Variants in DOCK4 observed in about 807,000 individuals in gnomAD.
DOCK4 encodes dedicator of cytokinesis 4, also known as dedicator of cytokinesis protein 4.
Under a neutral mutation model 268.1 loss-of-function variants are expected in DOCK4, and 97 were observed. That is an observed-to-expected ratio of 0.36 (90% CI 0.31 to 0.43). The LOEUF is 0.43. Ranked by LOEUF, DOCK4 falls within the 20% of genes least tolerant of loss-of-function variation. DOCK4 has a pLI of 1.00. For synonymous variants in DOCK4, 954 were observed against 887.2 expected, an observed-to-expected ratio of 1.08 and a Z score of -1.34; for missense variants, 2,145 against 2,455.7, an observed-to-expected ratio of 0.87 and a Z score of 2.67.
chr7:111,739,400 G>T lies in DOCK4; in HGVS notation c.5118C>A (p.Ala1706=), dbSNP rs982443327. 1.9e-6 allele frequency: 3 copies of T among 1,588,736 alleles called. No homozygotes were observed. The highest frequency in any genetic ancestry group is 2.6e-6 in the Non-Finnish European group (3 of 1,167,492). ...PNVTSSAPSS[A]RASPLLSDKH... is the part of the protein sequence containing the mutation. ...TCCCCACACTCTGGCACTGACCTCTGGCACTCGATGGAGCAGAACTTGTCA... is the reference window on the plus strand; with the variant it reads ...TCCCCACACTCTGGCACTGACCTCTTGCACTCGATGGAGCAGAACTTGTCA... Residue 1706 remains alanine, a synonymous_variant, in exon 48 of 53, where the codon GCC becomes GCA. Coordinates refer to ENST00000428084, the MANE Select transcript of DOCK4 (RefSeq NM_001363540.2).
At chr7:111,841,725 G>A (rs979257275) in intron 25 of DOCK4, among the ~76,000 whole-genome samples, 2 of 152,138 alleles carry the variant, frequency 1.3e-5, no homozygotes, top group Non-Finnish European at 2.9e-5. Context: ...CTCTTCATGT[G>A]ATTTTCTTAT....
At chr7:111,810,958 C>A (rs1190298586) in intron 28 of DOCK4, among the ~76,000 whole-genome samples, 1 of 152,244 alleles carries the variant, frequency 6.6e-6, no homozygotes, top group African/African-American at 2.4e-5. Flanking sequence ...GCCGAGACTG[C>A]GTCACTGCAT....
chr7:111,894,298 A>T (rs563914505), intron 16 of DOCK4, among the ~76,000 whole-genome samples: 1 of 152,344 alleles, frequency 6.6e-6, no homozygotes, highest in South Asian at 2.1e-4. Context: ...AGCAATCCAA[A>T]GAAAGTTTTT....
At chr7:111,738,719 C>T (rs990722474) in intron 49 of DOCK4, among the ~76,000 whole-genome samples, 1 of 152,192 alleles carries the variant, frequency 6.6e-6, no homozygotes, top group Non-Finnish European at 1.5e-5. Flanking sequence ...AGGTGGATCA[C>T]CTGAGGTCAG....
In DOCK4 at chr7:111,905,681, GTA is replaced by G. The variant is rs796944170; in HGVS notation, c.1193-3882_1193-3881del. Among the ~76,000 whole-genome samples the G allele has an allele frequency of 2.4e-4, 32 of 133,402 alleles. No homozygotes were observed. The South Asian group carries it at 2.7e-3, about 11-fold the overall frequency. The allele number at this position is 133,402 out of a possible 152,430, so 87.5% of individuals were successfully genotyped here. A position where few individuals can be genotyped will look rare whatever the true frequency, so the allele number is the denominator to read the frequency against. On this transcript the variant is annotated intron_variant, in intron 13 of 52. Coordinates refer to ENST00000428084, the MANE Select transcript of DOCK4 (RefSeq NM_001363540.2). ...TTATCTATTTTTTATATATATGCAT[GTA>G]TGTGTGTGTGTGTGTGTGTGTGTGT...
At chr7:111,742,419 T>C (rs1795978450) in intron 44 of DOCK4, among the ~76,000 whole-genome samples, 1 of 152,172 alleles carries the variant, frequency 6.6e-6, no homozygotes, top group African/African-American at 2.4e-5. Context: ...ATAATTATAA[T>C]GCCTCGTAAC....
intron 1 of DOCK4, among the ~76,000 whole-genome samples, chr7:112,187,019 G>A (rs571073593): frequency 2.0e-5 from 3 of 151,874 alleles, no homozygotes; most frequent in African/African-American, 7.2e-5. Context: ...CTGATACCTA[G>A]AGAGAAAAAT....
At chr7:111,918,015 G>A (rs149465422) in intron 12 of DOCK4, among the ~76,000 whole-genome samples, 4 of 152,224 alleles carry the variant, frequency 2.6e-5, no homozygotes, top group East Asian at 3.9e-4. Flanking sequence ...TGAAAGTAGC[G>A]TTTTTTGGTT....
In DOCK4 at chr7:111,940,106, T is replaced by G. The variant is rs758299430; in HGVS notation, c.977+4A>C. On this transcript the variant is annotated splice_donor_region_variant and intron_variant, in intron 11 of 52. Transcript: ENST00000428084. ...CCAGCCATCACCACGTGCATGTTTC[T>G]TACATGTATACTTTCAGAATGAGGT... 1 of 1,613,974 alleles carries G rather than the reference T, an allele frequency of 6.2e-7. No individual in the cohort carries two copies. The highest frequency in any genetic ancestry group is 1.1e-5 in the South Asian group (1 of 91,086).
intron 25 of DOCK4, among the ~76,000 whole-genome samples, chr7:111,843,089 A>G (rs1803824146): frequency 6.6e-6 from 1 of 152,244 alleles, no homozygotes; most frequent in African/African-American, 2.4e-5. Context: ...CTGCAACGTC[A>G]GATTGTTAGA....
Position 111,846,981 on chromosome 7 carries a change from T to C in DOCK4, c.2601+18A>G. 2 of 1,612,900 alleles carry C rather than the reference T, an allele frequency of 1.2e-6. No homozygotes were observed. Among genetic ancestry groups the C allele is most frequent in the Non-Finnish European group, 1.7e-6 (2 of 1,179,142 alleles). ...GCCATTTGAAGGGAGCTATATACTA[T>C]GACCTGTATTTACTTACTGAGCTAT... On this transcript the variant is annotated intron_variant, in intron 24 of 52. Transcript: ENST00000428084.
At chr7:111,926,984 G>T (rs17159014) in intron 12 of DOCK4, among the ~76,000 whole-genome samples, 2 of 151,670 alleles carry the variant, frequency 1.3e-5, no homozygotes, top group African/African-American at 4.9e-5. Flanking sequence ...TCATACCTTG[G>T]TTTCTGAGTT....
intron 1 of DOCK4, among the ~76,000 whole-genome samples, chr7:112,129,718 A>G (rs1813619671): frequency 6.6e-6 from 1 of 152,170 alleles, no homozygotes; most frequent in African/African-American, 2.4e-5. Context: ...TAAGTAAAAG[A>G]AAAAACAAAA....
chr7:112,006,519 G>A (rs1325522092), intron 1 of DOCK4, among the ~76,000 whole-genome samples: 1 of 152,138 alleles, frequency 6.6e-6, no homozygotes, highest in African/African-American at 2.4e-5. Flanking sequence ...CGGTCTATGT[G>A]GGTGAATTCT....
intron 1 of DOCK4, among the ~76,000 whole-genome samples, chr7:112,094,172 C>T (rs906115614): frequency 6.6e-6 from 1 of 152,000 alleles, no homozygotes; most frequent in African/African-American, 2.4e-5. Flanking sequence ...ACACTCCTTA[C>T]TTCAATAACA....
chr7:112,145,577 A>G (rs1396310980), intron 1 of DOCK4, among the ~76,000 whole-genome samples: 1 of 152,190 alleles, frequency 6.6e-6, no homozygotes, highest in African/African-American at 2.4e-5. Context: ...CGGACATACC[A>G]TTTCTTGTGT....
intron 1 of DOCK4, among the ~76,000 whole-genome samples, chr7:112,022,233 T>G (rs1028188178): frequency 3.3e-5 from 5 of 152,236 alleles, no homozygotes; most frequent in Non-Finnish European, 5.9e-5. Flanking sequence ...TGGATACCAC[T>G]CTATGTACTG....
At chr7:112,108,584 A>C (rs996037493) in intron 1 of DOCK4, among the ~76,000 whole-genome samples, 1 of 152,206 alleles carries the variant, frequency 6.6e-6, no homozygotes, top group Admixed American at 6.5e-5. Flanking sequence ...TACTCCTTTA[A>C]TTTGCAGAAC....
intron 13 of DOCK4, among the ~76,000 whole-genome samples, chr7:111,903,949 G>C (rs936708162): frequency 3.3e-5 from 5 of 152,180 alleles, no homozygotes; most frequent in African/African-American, 1.2e-4. Flanking sequence ...TGTTACCTTA[G>C]GAATTTCTTA....
Sources: gnomAD v4.1 joint callset for allele counts (sites outside exome capture counted in the v4.1 genomes callset) on GRCh38, gnomAD v4.1.1 for gene constraint, MANE v1.5 for transcripts, NCBI Gene and HGNC (gene_info 2026-07-23, HGNC 2026-07-21) for gene names.